Variants in CRPPA observed in about 807,000 individuals in gnomAD.
CRPPA encodes CDP-L-ribitol pyrophosphorylase A.
CRPPA carries 43 observed loss-of-function variants against 52.0 expected under a neutral mutation model. The observed-to-expected ratio is 0.83, with a 90% CI of 0.65 to 1.07. The LOEUF (loss-of-function observed/expected upper bound fraction) is 1.07, where lower values mean the gene tolerates loss of function less well. Ranked by LOEUF, CRPPA falls within the 50% of genes least tolerant of loss-of-function variation. The pLI, the probability that CRPPA is intolerant of heterozygous loss-of-function variation, is 0.00. For synonymous variants in CRPPA, 250 were observed against 203.5 expected, an observed-to-expected ratio of 1.23 and a Z score of -1.94; for missense variants, 629 against 551.7, an observed-to-expected ratio of 1.14 and a Z score of -1.40.
At chr7:16,253,717 G>A (rs1220483540) in intron 8 of CRPPA, among the ~76,000 whole-genome samples, 4 of 151,980 alleles carry the variant, frequency 2.6e-5, no homozygotes, top group East Asian at 1.9e-4. Flanking sequence ...CAATGGCAAC[G>A]AAAGCCAAAA....
intron 8 of CRPPA, among the ~76,000 whole-genome samples, chr7:16,234,885 G>T (rs1164106093): frequency 1.3e-5 from 2 of 152,014 alleles, no homozygotes; most frequent in Non-Finnish European, 2.9e-5. Context: ...AAAAAAGAAG[G>T]TGTTTCAGGT....
At chr7:16,207,357 TTAA>T (rs1243525152) in intron 9 of CRPPA, among the ~76,000 whole-genome samples, 2 of 152,212 alleles carry the variant, frequency 1.3e-5, no homozygotes. Context: ...TGTCAAATCT[TTAA>T]AATTAGGTTG....
intron 3 of CRPPA, among the ~76,000 whole-genome samples, chr7:16,324,399 G>C (rs1785331377): frequency 6.6e-6 from 1 of 152,190 alleles, no homozygotes; most frequent in Admixed American, 6.5e-5. Context: ...TACAAAAAAT[G>C]GGTAACCACA....
intron 9 of CRPPA, among the ~76,000 whole-genome samples, chr7:16,200,853 AT>A (rs1277542894): frequency 6.6e-6 from 1 of 152,204 alleles, no homozygotes; most frequent in Admixed American, 6.5e-5. Context: ...CCTGAAACAA[AT>A]ATCTAATACA....
chr7:16,125,276 A>C (rs1852475), intron 9 of CRPPA, among the ~76,000 whole-genome samples: 12,983 of 149,106 alleles, frequency 0.087, 742 homozygotes, highest in African/African-American at 0.15. Flanking sequence ...AAAAAAAAAA[A>C]AAAAACCAAC....
chr7:16,160,724 A>C (rs951489631), intron 9 of CRPPA, among the ~76,000 whole-genome samples: 1 of 152,130 alleles, frequency 6.6e-6, no homozygotes, highest in East Asian at 1.9e-4. Context: ...GCTTGATGGG[A>C]ATAGCATTGA....
intron 9 of CRPPA, among the ~76,000 whole-genome samples, chr7:16,213,770 G>C (rs888040698): frequency 1.1e-4 from 17 of 150,928 alleles, no homozygotes; most frequent in African/African-American, 4.1e-4. Flanking sequence ...AAAAATTACA[G>C]AACTGCTTTG....
Position 16,187,471 on chromosome 7 carries a change from C to T in CRPPA, c.1251+28595G>A, listed in dbSNP as rs375668828. 5.0e-4 allele frequency among the ~76,000 whole-genome samples: 76 copies of T among 152,292 alleles called. 1 individual carries two copies. Among genetic ancestry groups the T allele is most frequent in the African/African-American group, 1.7e-3 (72 of 41,566 alleles). Reference sequence around the variant, plus strand: ...AACAGAGAAAACAAAGGAACTGGGACATTTTTCGGAATCCTTTTCAAGTCT... The same window carrying T: ...AACAGAGAAAACAAAGGAACTGGGATATTTTTCGGAATCCTTTTCAAGTCT... On this transcript the variant is annotated intron_variant, in intron 9 of 9. Transcript: ENST00000407010.
intron 3 of CRPPA, among the ~76,000 whole-genome samples, chr7:16,367,663 T>C (rs145606620): frequency 1.2e-4 from 18 of 152,350 alleles, no homozygotes; most frequent in African/African-American, 4.3e-4. Context: ...ACAAGTCTTA[T>C]TTATTCTAGC....
intron 9 of CRPPA, among the ~76,000 whole-genome samples, chr7:16,211,098 G>A (rs770121491): frequency 6.3e-4 from 96 of 152,166 alleles, no homozygotes; most frequent in Non-Finnish European, 1.1e-3. Flanking sequence ...CTGAAAATAC[G>A]TGCATTTTGT....
intron 9 of CRPPA, among the ~76,000 whole-genome samples, chr7:16,119,107 C>T (rs1024354818): frequency 6.6e-6 from 1 of 152,146 alleles, no homozygotes; most frequent in African/African-American, 2.4e-5. Flanking sequence ...CAACTTCCAG[C>T]CTTGATTAAA....
intron 1 of CRPPA, among the ~76,000 whole-genome samples, chr7:16,419,332 T>A (rs1284693017): frequency 2.0e-5 from 3 of 152,216 alleles, no homozygotes; most frequent in African/African-American, 7.2e-5. Context: ...CCTAACTAAC[T>A]CCATCTTGCT....
chr7:16,170,922 C>T lies in CRPPA; in HGVS notation c.1251+45144G>A, dbSNP rs184744216. On this transcript the variant is annotated intron_variant, in intron 9 of 9. Coordinates refer to ENST00000407010, the MANE Select transcript of CRPPA (RefSeq NM_001101426.4). ...AACTTGCACTGGCCTGCGAGCGCCC[C>T]GCTTAGCCCCGGTTCCTGCCTGCGC... Among the ~76,000 whole-genome samples the T allele has an allele frequency of 3.4e-3, 513 of 152,326 alleles. 8 individuals are homozygous for T. The highest frequency in any genetic ancestry group is 0.012 in the African/African-American group (489 of 41,582).
chr7:16,387,072 T>TATATATATACACAC (rs1562671572), intron 2 of CRPPA, among the ~76,000 whole-genome samples: 19 of 71,998 alleles, frequency 2.6e-4, no homozygotes, highest in African/African-American at 1.2e-3. Flanking sequence ...TATATATATA[T>TATATATATACACAC]ATATATATAT....
chr7:16,164,103 T>C (rs1470716969), intron 9 of CRPPA, among the ~76,000 whole-genome samples: 1 of 152,208 alleles, frequency 6.6e-6, no homozygotes, highest in East Asian at 1.9e-4. Context: ...TGAAATGTGT[T>C]TTCCAACTTG....
At chr7:16,192,705 C>T (rs1385492500) in intron 9 of CRPPA, among the ~76,000 whole-genome samples, 1 of 152,072 alleles carries the variant, frequency 6.6e-6, no homozygotes, top group East Asian at 1.9e-4. Context: ...GTTTAACCTC[C>T]ATATTTGTAT....
chr7:16,230,463 A>G (rs1358226329), intron 8 of CRPPA, among the ~76,000 whole-genome samples: 1 of 151,946 alleles, frequency 6.6e-6, no homozygotes, highest in East Asian at 1.9e-4. Context: ...TTTTTTGAAA[A>G]TTGTTTCATG....
chr7:16,110,738 T>G (rs1011147523), intron 9 of CRPPA, among the ~76,000 whole-genome samples: 3 of 151,958 alleles, frequency 2.0e-5, no homozygotes, highest in Non-Finnish European at 4.4e-5. Context: ...AACCTAGATA[T>G]CCACATTCAG....
At chr7:16,387,068 T>TATATATATACAC (rs1554352506) in intron 2 of CRPPA, among the ~76,000 whole-genome samples, 36 of 68,740 alleles carry the variant, frequency 5.2e-4, no homozygotes, top group African/African-American at 2.6e-3. Context: ...TATATATATA[T>TATATATATACAC]ATATATATAT....
Sources: gnomAD v4.1 joint callset for allele counts (sites outside exome capture counted in the v4.1 genomes callset) on GRCh38, gnomAD v4.1.1 for gene constraint, MANE v1.5 for transcripts, NCBI Gene and HGNC (gene_info 2026-07-23, HGNC 2026-07-21) for gene names.